The following VAC14 variants were observed in gnomAD, a reference collection of about 807,000 sequenced individuals.
The protein encoded by VAC14 is VAC14 component of PIKFYVE complex.
Under a neutral mutation model 85.3 loss-of-function variants are expected in VAC14, and 47 were observed. The ratio of observed to expected loss-of-function variants is 0.55; its 90% confidence interval spans 0.44 to 0.70. The LOEUF is 0.70. VAC14 is among the 30% of genes least tolerant of loss of function. VAC14 has a pLI of 0.00. For missense variants in VAC14, 861 were observed against 1,004.3 expected, an observed-to-expected ratio of 0.86 and a Z score of 1.93; for synonymous variants, 447 against 430.5, an observed-to-expected ratio of 1.04 and a Z score of -0.47.
At chr16:70,723,707 C>G (rs1373826144) in intron 14 of VAC14, among the ~76,000 whole-genome samples, 4 of 152,250 alleles carry the variant, frequency 2.6e-5, no homozygotes, top group Non-Finnish European at 5.9e-5. Flanking sequence ...CCTACCAGCC[C>G]TGCTGGTTGC....
rs1004279114 is a variant in VAC14 at position 70,742,765 on chromosome 16, C to A, written c.1528+1658G>T. Among the ~76,000 whole-genome samples the A allele has an allele frequency of 9.2e-5, 14 of 152,378 alleles. 1 individual carries two copies. Among genetic ancestry groups the A allele is most frequent in the African/African-American group, 2.4e-4 (10 of 41,588 alleles). On this transcript the variant is annotated intron_variant, in intron 13 of 18. Coordinates refer to ENST00000261776, the MANE Select transcript of VAC14 (RefSeq NM_018052.5). ...CCCACTGAGGCCAAGGAAGTACTCTCAGGCTGGGACCAGCCCGGCTGGGCT... is the reference window on the plus strand; with the variant it reads ...CCCACTGAGGCCAAGGAAGTACTCTAAGGCTGGGACCAGCCCGGCTGGGCT...
chr16:70,782,055 C>T (rs2033840613), intron 7 of VAC14, 52 bp from the exon 8 acceptor site: 1 of 1,596,210 alleles, frequency 6.3e-7, no homozygotes, highest in Admixed American at 1.7e-5. Context: ...AGCCCGAGTG[C>T]TCCCTCCCAT....
At chr16:70,795,474 C>T (rs995353541) in intron 1 of VAC14, among the ~76,000 whole-genome samples, 27 of 136,834 alleles carry the variant, frequency 2.0e-4, no homozygotes, top group Admixed American at 6.5e-4. Context: ...CCAGCCTGGG[C>T]GACAGAGCGA....
chr16:70,688,819 G>A (rs1053920563), intron 18 of VAC14: 5 of 985,522 alleles, frequency 5.1e-6, no homozygotes, highest in Admixed American at 1.2e-4. Flanking sequence ...TGCCCCTGGC[G>A]ATGAGATCCC....
chr16:70,795,494 T>TAAAAAAA (rs71153603), intron 1 of VAC14, among the ~76,000 whole-genome samples: 3 of 91,928 alleles, frequency 3.3e-5, no homozygotes, highest in Non-Finnish European at 4.3e-5. Context: ...AGACTCTGTC[T>TAAAAAAA]AAAAAAAAAA....
intron 14 of VAC14, among the ~76,000 whole-genome samples, chr16:70,701,298 AGGCCC>A (rs2053822705): frequency 6.6e-6 from 1 of 152,090 alleles, no homozygotes; most frequent in East Asian, 1.9e-4. Context: ...GCCTGGTGGA[AGGCCC>A]TGCCTGGCCA....
chr16:70,744,564 G>C lies in VAC14; in HGVS notation c.1387C>G (p.Leu463Val). ...GAAGCGATTTCTGCCAGCACCTCCA[G>C]GTCCTTCAGGATCACCTGGGGAGAG... The part of the protein sequence containing the change: ...DESDEVILKD[L>V]EVLAEIASSP... The change falls in exon 13 of 19, where the codon CTG becomes GTG. Residue 463 changes from leucine (L) to valine (V), a missense_variant. Around this residue, in one of 3 missense-constraint regions of VAC14, gnomAD observed 629 missense variants for 703.1 expected, o/e 0.89. Transcript: ENST00000261776. 6.2e-7 allele frequency: 1 copy of C among 1,603,072 alleles called. No individual in the cohort carries two copies. Among genetic ancestry groups the C allele is most frequent in the Non-Finnish European group, 8.5e-7 (1 of 1,175,144 alleles).
At chr16:70,733,889 G>A (rs774674030) in intron 13 of VAC14, among the ~76,000 whole-genome samples, 19 of 152,108 alleles carry the variant, frequency 1.2e-4, no homozygotes, top group Non-Finnish European at 2.2e-4. Context: ...ACAATGGCAC[G>A]GTCTTGGCTC....
chr16:70,688,622 C>T (rs1441085041), intron 18 of VAC14: 6 of 985,508 alleles, frequency 6.1e-6, no homozygotes, highest in Middle Eastern at 1.0e-3. Flanking sequence ...CTCACTGTCC[C>T]TGGGAGGAGG....
chr16:70,736,147 G>GGGCA (rs1173242956), intron 13 of VAC14, among the ~76,000 whole-genome samples: 1 of 152,202 alleles, frequency 6.6e-6, no homozygotes, highest in Non-Finnish European at 1.5e-5. Flanking sequence ...AGCCTCACAG[G>GGGCA]GGCAGTAGGA....
At chr16:70,729,981 C>T (rs2054542387) in intron 14 of VAC14, among the ~76,000 whole-genome samples, 1 of 152,036 alleles carries the variant, frequency 6.6e-6, no homozygotes. Flanking sequence ...TGCACCCCCT[C>T]CTCACTCCCT....
chr16:70,787,382 C>A (rs2034114174), intron 1 of VAC14, among the ~76,000 whole-genome samples: 1 of 152,152 alleles, frequency 6.6e-6, no homozygotes, highest in Admixed American at 6.5e-5. Flanking sequence ...CCCCAGGTGT[C>A]TCCCTGGACA....
intron 18 of VAC14, chr16:70,690,499 G>T: frequency 4.1e-6 from 4 of 985,656 alleles, no homozygotes; most frequent in Non-Finnish European, 4.8e-6. Flanking sequence ...TTTCTTAGAG[G>T]TTCCCTCCTG....
chr16:70,765,175 A>G (rs2032709317), intron 10 of VAC14, among the ~76,000 whole-genome samples: 2 of 152,158 alleles, frequency 1.3e-5, no homozygotes, highest in African/African-American at 2.4e-5. Flanking sequence ...AGGGACATGT[A>G]GGCTGCCAGG....
intron 12 of VAC14, among the ~76,000 whole-genome samples, chr16:70,758,987 A>G (rs2143026585): frequency 6.6e-6 from 1 of 152,332 alleles, no homozygotes; most frequent in East Asian, 1.9e-4. Context: ...GAGGGTGGAG[A>G]CTAACGAGGT....
At chr16:70,787,880 G>A (rs2034142454) in intron 1 of VAC14, among the ~76,000 whole-genome samples, 1 of 152,218 alleles carries the variant, frequency 6.6e-6, no homozygotes, top group Admixed American at 6.5e-5. Flanking sequence ...CAGGGAGCTG[G>A]GCATATGAAA....
At chr16:70,720,152 T>C (rs529863444) in intron 14 of VAC14, among the ~76,000 whole-genome samples, 191 of 152,228 alleles carry the variant, frequency 1.3e-3, no homozygotes, top group Non-Finnish European at 2.4e-3. Context: ...ACCTCTTGTG[T>C]TGGAGTCAGT....
At chr16:70,695,453 A>C in intron 17 of VAC14, 91 bp downstream of exon 17, 2 of 1,386,596 alleles carry the variant, frequency 1.4e-6, no homozygotes, top group Middle Eastern at 1.8e-4. Context: ...CTCCCCAGCC[A>C]AAAGAGACCA....
intron 8 of VAC14, among the ~76,000 whole-genome samples, chr16:70,781,530 C>G (rs1295369244): frequency 6.6e-6 from 1 of 152,098 alleles, no homozygotes; most frequent in Non-Finnish European, 1.5e-5. Context: ...TGAAATGCGC[C>G]TATTTCTTCT....
Sources: gnomAD v4.1 joint callset for allele counts (sites outside exome capture counted in the v4.1 genomes callset) on GRCh38, gnomAD v4.1.1 for gene constraint, gnomAD v4.1.1 regional missense constraint, MANE v1.5 for transcripts, NCBI Gene and HGNC (gene_info 2026-07-23, HGNC 2026-07-21) for gene names.